Variants in C3orf22 observed in about 807,000 individuals in gnomAD.
C3orf22 encodes chromosome 3 open reading frame 22, also known as uncharacterized protein C3orf22.
Under a neutral mutation model 10.8 loss-of-function variants are expected in C3orf22, and 7 were observed. That is an observed-to-expected ratio of 0.65 (90% CI 0.37 to 1.22). The LOEUF is 1.22. Among genes scored for constraint, C3orf22 ranks in the 50% most tolerant of loss-of-function variants. The pLI, the probability that C3orf22 is intolerant of heterozygous loss-of-function variation, is 0.02. For missense variants in C3orf22, 173 were observed against 177.0 expected (o/e 0.98, Z 0.13); for synonymous variants, 79 against 78.9 (o/e 1.00, Z 0.00).
intron 1 of C3orf22, among the ~76,000 whole-genome samples, chr3:126,554,139 C>T (rs1576251169): frequency 6.6e-6 from 1 of 152,056 alleles, no homozygotes; most frequent in African/African-American, 2.4e-5. Flanking sequence ...CTCAGCCTCC[C>T]GAGTAGCTGG....
chr3:126,532,102 T>G (rs2107564675), intron 4 of C3orf22, among the ~76,000 whole-genome samples: 1 of 152,354 alleles, frequency 6.6e-6, no homozygotes, highest in African/African-American at 2.4e-5. Flanking sequence ...TTTGCCCATT[T>G]AAAAAATTGA....
Position 126,549,747 on chromosome 3 carries a change from A to G in C3orf22, c.*121T>C. 8 of 1,508,028 alleles carry G rather than the reference A, an allele frequency of 5.3e-6. No individual in the cohort carries two copies. In the South Asian group the frequency reaches 1.0e-4, roughly 20 times the overall value. 93.4% of individuals were successfully genotyped at this position (1,508,028 alleles called of 1,614,324 possible). On this transcript the variant is annotated 3_prime_UTR_variant, in exon 4 of 4. Coordinates refer to ENST00000318225, the MANE Select transcript of C3orf22 (RefSeq NM_152533.3). Reference sequence around the variant, plus strand: ...GTGTAGCTTTTTGGGGGGACCACAAACCACTCCCGGTCTATGATGGCCATG... The same window carrying G: ...GTGTAGCTTTTTGGGGGGACCACAAGCCACTCCCGGTCTATGATGGCCATG...
At chr3:126,534,293 G>T (rs1038492439) in intron 4 of C3orf22, among the ~76,000 whole-genome samples, 3 of 152,202 alleles carry the variant, frequency 2.0e-5, no homozygotes, top group Non-Finnish European at 4.4e-5. Context: ...TGCATAAAAA[G>T]ATATTCCTTA....
chr3:126,551,051 G>A (rs1262117306), intron 3 of C3orf22, among the ~76,000 whole-genome samples: 3 of 152,276 alleles, frequency 2.0e-5, no homozygotes, highest in African/African-American at 7.2e-5. Flanking sequence ...CGAACTACGG[G>A]GAGTGAGGCC....
chr3:126,554,510 C>G (rs145307039), intron 1 of C3orf22, among the ~76,000 whole-genome samples: 1 of 152,130 alleles, frequency 6.6e-6, no homozygotes, highest in Non-Finnish European at 1.5e-5. Flanking sequence ...GTGATCCATC[C>G]GCCTCGGCCT....
intron 4 of C3orf22, among the ~76,000 whole-genome samples, chr3:126,530,468 A>T (rs1461498213): frequency 1.3e-5 from 2 of 151,630 alleles, no homozygotes; most frequent in South Asian, 2.1e-4. Context: ...CTGCCCCTCC[A>T]CCCCCTGCCC....
chr3:126,542,361 T>C, intron 4 of C3orf22: 1 of 1,564,342 alleles, frequency 6.4e-7, no homozygotes, highest in Non-Finnish European at 8.6e-7. Context: ...TTCGAGACGC[T>C]GGCGGAGGAC....
At chr3:126,527,580 G>C (rs1364678991) in exon 6 of C3orf22, 1 of 152,404 alleles carries the variant, frequency 6.6e-6, no homozygotes, top group Non-Finnish European at 1.5e-5. Flanking sequence ...GGCAGGAAGG[G>C]CTGGGAGGCT....
At chr3:126,530,499 C>T (rs1315275158) in intron 4 of C3orf22, among the ~76,000 whole-genome samples, 1 of 152,206 alleles carries the variant, frequency 6.6e-6, no homozygotes, top group Non-Finnish European at 1.5e-5. Flanking sequence ...GGCTGCTGAG[C>T]ACCAGTTCTT....
chr3:126,555,998 C>T (rs533216922), intron 1 of C3orf22, among the ~76,000 whole-genome samples: 1 of 152,338 alleles, frequency 6.6e-6, no homozygotes, highest in African/African-American at 2.4e-5. Context: ...GCCTGCCAGC[C>T]CCTCCACACC....
At chr3:126,530,547 G>A (rs751570117) in intron 4 of C3orf22, among the ~76,000 whole-genome samples, 9 of 152,218 alleles carry the variant, frequency 5.9e-5, no homozygotes, top group Middle Eastern at 3.2e-3. Flanking sequence ...AAAGGGACAC[G>A]TCTCATCTGC....
chr3:126,529,553 A>C (rs1248969724), intron 4 of C3orf22, among the ~76,000 whole-genome samples: 7 of 152,250 alleles, frequency 4.6e-5, no homozygotes, highest in Admixed American at 4.6e-4. Context: ...CCCCTCTGTC[A>C]AGTGGGATAA....
chr3:126,539,292 GTTT>G (rs1264215314), intron 4 of C3orf22, among the ~76,000 whole-genome samples: 8 of 151,990 alleles, frequency 5.3e-5, no homozygotes, highest in Non-Finnish European at 8.8e-5. Context: ...TTTGTGAAAC[GTTT>G]TTTATTTCTT....
chr3:126,553,250 G>A, intron 2 of C3orf22, 52 bp downstream of exon 2: 1 of 1,288,572 alleles, frequency 7.8e-7, no homozygotes, highest in Non-Finnish European at 1.1e-6. Context: ...CAGGATGCTG[G>A]GGTGACCTGG....
Position 126,552,129 on chromosome 3 carries a change from C to G in C3orf22, c.90-7G>C, listed in dbSNP as rs766871111. ...CTCTGTCAGCCACGACAACCTGCAACAGCACTTGGAATGTCAACATGGCCA... is the reference window on the plus strand; with the variant it reads ...CTCTGTCAGCCACGACAACCTGCAAGAGCACTTGGAATGTCAACATGGCCA... On this transcript the variant is annotated splice_region_variant and splice_polypyrimidine_tract_variant and intron_variant, in intron 2 of 3. Transcript: ENST00000318225. The G allele has an allele frequency of 2.5e-6, 4 of 1,613,676 alleles. No homozygotes were observed. In the Admixed American group the frequency reaches 6.7e-5, roughly 27 times the overall value.
downstream of C3orf22, among the ~76,000 whole-genome samples, chr3:126,546,613 AAG>A (rs1177481100): frequency 6.6e-6 from 1 of 152,146 alleles, no homozygotes; most frequent in Admixed American, 6.5e-5. Flanking sequence ...ACAAGCCCAG[AAG>A]AGAGAAGAGA....
intron 4 of C3orf22, chr3:126,542,250 T>C (rs1936978950): frequency 1.9e-6 from 3 of 1,540,442 alleles, no homozygotes; most frequent in Non-Finnish European, 2.6e-6. Flanking sequence ...GCCTACCTGC[T>C]GGACCCGCGC....
chr3:126,549,581 A>G (rs1461950347), downstream of C3orf22: 3 of 1,204,224 alleles, frequency 2.5e-6, no homozygotes, highest in African/African-American at 1.5e-5. Context: ...AGTGACATTC[A>G]TGCTCTTTTT....
At chr3:126,532,119 T>C (rs1416665499) in intron 4 of C3orf22, among the ~76,000 whole-genome samples, 1 of 152,228 alleles carries the variant, frequency 6.6e-6, no homozygotes, top group Non-Finnish European at 1.5e-5. Flanking sequence ...TTGAGTTGTC[T>C]TTTGTTGTTC....
Sources: gnomAD v4.1 joint callset for allele counts (sites outside exome capture counted in the v4.1 genomes callset) on GRCh38, gnomAD v4.1.1 for gene constraint, MANE v1.5 for transcripts, NCBI Gene and HGNC (gene_info 2026-07-23, HGNC 2026-07-21) for gene names.